Variants in RIMKLB observed in about 807,000 individuals in gnomAD.
RIMKLB encodes the protein beta-citrylglutamate synthase B.
A neutral mutation model predicts 32.0 loss-of-function variants in RIMKLB; 7 were observed. That is an observed-to-expected ratio of 0.22 (90% CI 0.12 to 0.41). RIMKLB has a LOEUF of 0.41. Ranked by LOEUF, RIMKLB falls within the 10% of genes least tolerant of loss-of-function variation. The pLI, the probability that RIMKLB is intolerant of heterozygous loss-of-function variation, is 1.00. For missense variants in RIMKLB, 289 were observed against 498.7 expected, an observed-to-expected ratio of 0.58 and a Z score of 4.00; for synonymous variants, 172 against 185.1, an observed-to-expected ratio of 0.93 and a Z score of 0.57.
chr12:8,775,880 G>C lies in RIMKLB; in HGVS notation c.*2096G>C. On this transcript the variant is annotated 3_prime_UTR_variant, in exon 6 of 6. Coordinates refer to ENST00000535829, the MANE Select transcript of RIMKLB (RefSeq NM_001297776.2). ...ACTTATCTTGCGCAGGGTAAATGGG[G>C]GACTCACATACATATATTAATACCT... 1 of 984,868 alleles carries C rather than the reference G, an allele frequency of 1.0e-6. No individual in the cohort carries two copies. Among genetic ancestry groups the C allele is most frequent in the South Asian group, 4.7e-5 (1 of 21,266 alleles). The allele number at this position is 984,868 out of a possible 1,614,324, so 61.0% of individuals were successfully genotyped here. A position where few individuals can be genotyped will look rare whatever the true frequency, so the allele number is the denominator to read the frequency against.
At chr12:8,725,345 T>G (rs1435164180) in intron 2 of RIMKLB, among the ~76,000 whole-genome samples, 1 of 152,172 alleles carries the variant, frequency 6.6e-6, no homozygotes, top group Non-Finnish European at 1.5e-5. Flanking sequence ...TGGTGCGATC[T>G]TGGCTCACTG....
chr12:8,768,206 A>G (rs867525416), intron 5 of RIMKLB, among the ~76,000 whole-genome samples: 124 of 152,362 alleles, frequency 8.1e-4, no homozygotes, highest in African/African-American at 2.9e-3. Flanking sequence ...TTAGTTGTGC[A>G]GGAACAATGG....
chr12:8,735,222 AG>A (rs1183499650), intron 2 of RIMKLB, among the ~76,000 whole-genome samples: 1 of 152,096 alleles, frequency 6.6e-6, no homozygotes, highest in African/African-American at 2.4e-5. Flanking sequence ...TTTATCAAGC[AG>A]GCTAAAATTT....
At chr12:8,689,729 C>G (rs1378498376) in intron 1 of RIMKLB, among the ~76,000 whole-genome samples, 1 of 152,086 alleles carries the variant, frequency 6.6e-6, no homozygotes, top group Non-Finnish European at 1.5e-5. Context: ...GTCTTTGTCT[C>G]CAGCAGAGAG....
At chr12:8,705,969 G>A (rs1943839084) in intron 1 of RIMKLB, among the ~76,000 whole-genome samples, 1 of 152,100 alleles carries the variant, frequency 6.6e-6, no homozygotes, top group Admixed American at 6.6e-5. Flanking sequence ...TTTACTTAAG[G>A]TCAACTGATT....
At chr12:8,704,999 C>CACACACACACACACACACACAAAAA (rs35908223) in intron 1 of RIMKLB, among the ~76,000 whole-genome samples, 23 of 151,532 alleles carry the variant, frequency 1.5e-4, no homozygotes, top group African/African-American at 4.9e-4. Context: ...CACACACACA[C>CACACACACACACACACACACAAAAA]AAAACCCCAA....
intron 5 of RIMKLB, among the ~76,000 whole-genome samples, chr12:8,768,392 AGT>A (rs1950146832): frequency 1.3e-5 from 2 of 152,200 alleles, no homozygotes; most frequent in African/African-American, 4.8e-5. Context: ...ACGGACCACA[AGT>A]GTGTGCAGTT....
upstream of RIMKLB, among the ~76,000 whole-genome samples, chr12:8,692,670 T>C (rs1942765505): frequency 6.6e-6 from 1 of 152,250 alleles, no homozygotes; most frequent in South Asian, 2.1e-4. Flanking sequence ...GTCTGGCATC[T>C]GCATTTTCTT....
the RIMKLB span, among the ~76,000 whole-genome samples, chr12:8,674,271 C>T: frequency 7.1e-6 from 1 of 141,538 alleles, no homozygotes; most frequent in Admixed American, 7.3e-5. Flanking sequence ...CGGAGTCTCG[C>T]TCCATTGCCC....
intron 2 of RIMKLB, among the ~76,000 whole-genome samples, chr12:8,729,991 T>C (rs1431316667): frequency 6.6e-6 from 1 of 152,236 alleles, no homozygotes; most frequent in East Asian, 1.9e-4. Context: ...TGGAGAAATA[T>C]GTGTATTCAA....
intron 2 of RIMKLB, among the ~76,000 whole-genome samples, chr12:8,721,168 A>T (rs1945407297): frequency 6.6e-6 from 1 of 152,206 alleles, no homozygotes; most frequent in African/African-American, 2.4e-5. Flanking sequence ...CACCACAGTC[A>T]AGCAAATATC....
intron 2 of RIMKLB, among the ~76,000 whole-genome samples, chr12:8,722,366 G>C (rs1177538439): frequency 1.3e-5 from 2 of 152,048 alleles, no homozygotes; most frequent in Non-Finnish European, 2.9e-5. Flanking sequence ...GTAATATTTT[G>C]AAAGGAATAT....
At chr12:8,753,549 CAT>C (rs771256525) in intron 4 of RIMKLB, among the ~76,000 whole-genome samples, 82 of 152,260 alleles carry the variant, frequency 5.4e-4, no homozygotes, top group Non-Finnish European at 6.8e-4. Context: ...ATATATCACA[CAT>C]GTTTTAATTC....
chr12:8,751,671 A>G (rs1948629904), intron 3 of RIMKLB, among the ~76,000 whole-genome samples: 1 of 152,228 alleles, frequency 6.6e-6, no homozygotes, highest in Admixed American at 6.5e-5. Flanking sequence ...TGGGAGAATA[A>G]TAAGGATAAA....
chr12:8,757,056 A>T (rs1325753564), intron 5 of RIMKLB, among the ~76,000 whole-genome samples: 2 of 152,180 alleles, frequency 1.3e-5, no homozygotes, highest in Admixed American at 1.3e-4. Context: ...ATTTTTCATT[A>T]TAACACGTCC....
intron 2 of RIMKLB, among the ~76,000 whole-genome samples, chr12:8,720,331 G>T (rs1183038287): frequency 6.6e-6 from 1 of 152,076 alleles, no homozygotes; most frequent in Non-Finnish European, 1.5e-5. Context: ...TACAAAGTTG[G>T]ATTCATACTT....
At chr12:8,718,911 T>C (rs1219528708) in intron 2 of RIMKLB, among the ~76,000 whole-genome samples, 1 of 152,182 alleles carries the variant, frequency 6.6e-6, no homozygotes, top group Non-Finnish European at 1.5e-5. Context: ...TACTGCTTAC[T>C]CTTGGGTGTT....
chr12:8,714,013 G>T lies in RIMKLB; in HGVS notation c.147G>T (p.Val49=). ...LDFRAVVMDE[V]VLTIEQGNLG... Reference sequence around the variant, plus strand: ...TTAGGGCTGTGGTGATGGATGAGGTGGTGCTGACAATCGAGCAAGGAAACC... The same window carrying T: ...TTAGGGCTGTGGTGATGGATGAGGTTGTGCTGACAATCGAGCAAGGAAACC... Residue 49 remains valine, a synonymous_variant, in exon 2 of 6, where the codon GTG becomes GTT. Transcript: ENST00000535829. The T allele has an allele frequency of 1.9e-6, 3 of 1,614,064 alleles. No homozygotes were observed. Among genetic ancestry groups the T allele is most frequent in the Non-Finnish European group, 2.5e-6 (3 of 1,180,002 alleles).
intron 2 of RIMKLB, among the ~76,000 whole-genome samples, chr12:8,741,590 T>C (rs889518249): frequency 6.6e-6 from 1 of 151,414 alleles, no homozygotes; most frequent in African/African-American, 2.4e-5. Context: ...CCAGCCTGGC[T>C]AACATGGTGA....
Sources: gnomAD v4.1 joint callset for allele counts (sites outside exome capture counted in the v4.1 genomes callset) on GRCh38, gnomAD v4.1.1 for gene constraint, MANE v1.5 for transcripts, NCBI Gene and HGNC (gene_info 2026-07-23, HGNC 2026-07-21) for gene names.